The following PHF24 variants were observed in gnomAD, a reference collection of about 807,000 sequenced individuals.
PHF24 encodes the protein PHD finger protein 24.
PHF24 carries 25 observed loss-of-function variants against 42.6 expected under a neutral mutation model. The observed-to-expected ratio is 0.59, with a 90% CI of 0.43 to 0.82. The LOEUF (loss-of-function observed/expected upper bound fraction) is 0.82. PHF24 is among the 40% of genes least tolerant of loss of function. The pLI, the probability that PHF24 is intolerant of heterozygous loss-of-function variation, is 0.00. For synonymous variants in PHF24, 185 were observed against 204.8 expected (o/e 0.90, Z 0.83); for missense variants, 470 against 538.1 (o/e 0.87, Z 1.25).
the PHF24 span, chr9:34,892,576 GTAGGGTCA>G: frequency 2.1e-5 from 9 of 433,144 alleles, no homozygotes; most frequent in Admixed American, 3.9e-5. Context: ...GGAAAGGAAT[GTAGGGTCA>G]TAGGCTGTTG....
At chr9:34,717,216 T>C in the PHF24 span, among the ~76,000 whole-genome samples, 1 of 152,012 alleles carries the variant, frequency 6.6e-6, no homozygotes, top group African/African-American at 2.4e-5. Context: ...TGATTTAGAG[T>C]TTTCTTTGGG....
the PHF24 span, chr9:34,893,052 G>A: frequency 1.1e-6 from 1 of 919,786 alleles, no homozygotes; most frequent in Non-Finnish European, 1.7e-6. Flanking sequence ...TCACCTGCCA[G>A]CAATTGCTTA....
chr9:34,849,456 A>G, the PHF24 span, among the ~76,000 whole-genome samples: 2 of 151,626 alleles, frequency 1.3e-5, no homozygotes, highest in South Asian at 4.2e-4. Context: ...TCTGCTTGGT[A>G]GATCTTCCTC....
the PHF24 span, chr9:34,834,939 G>A: frequency 2.8e-6 from 4 of 1,435,058 alleles, no homozygotes; most frequent in Non-Finnish European, 3.7e-6. Context: ...TCAATCTTGG[G>A]AAGGCCTTGA....
At chr9:34,885,163 T>C in the PHF24 span, among the ~76,000 whole-genome samples, 1 of 152,332 alleles carries the variant, frequency 6.6e-6, no homozygotes, top group African/African-American at 2.4e-5. Flanking sequence ...TTTAGGCAAA[T>C]ACCTGTTAAG....
chr9:34,750,287 G>C, the PHF24 span, among the ~76,000 whole-genome samples: 1 of 152,036 alleles, frequency 6.6e-6, no homozygotes, highest in South Asian at 2.1e-4. Flanking sequence ...TTGAGGCCAA[G>C]AGTTTGAGAC....
the PHF24 span, among the ~76,000 whole-genome samples, chr9:34,761,637 G>A: frequency 6.6e-6 from 1 of 151,968 alleles, no homozygotes; most frequent in Non-Finnish European, 1.5e-5. Context: ...TGGTGGTCAG[G>A]GTATGGCATG....
intron 1 of PHF24, among the ~76,000 whole-genome samples, chr9:34,960,757 T>C (rs192884674): frequency 1.2e-4 from 19 of 152,274 alleles, no homozygotes; most frequent in African/African-American, 3.8e-4. Context: ...ATGTCCAGCA[T>C]TGGGTAAAAT....
the PHF24 span, among the ~76,000 whole-genome samples, chr9:34,905,202 G>C: frequency 6.6e-6 from 1 of 152,086 alleles, no homozygotes; most frequent in African/African-American, 2.4e-5. Flanking sequence ...GATTCCCCTC[G>C]TTAGTCTCCA....
At chr9:34,809,525 A>C in the PHF24 span, among the ~76,000 whole-genome samples, 1 of 152,198 alleles carries the variant, frequency 6.6e-6, no homozygotes, top group African/African-American at 2.4e-5. The surrounding 1 kb of genome is among the most constrained non-coding windows in gnomAD (Gnocchi z 4.1). Flanking sequence ...TACTCTCAGG[A>C]AACAGTGCAC....
the PHF24 span, among the ~76,000 whole-genome samples, chr9:34,786,617 G>A: frequency 6.6e-6 from 1 of 152,152 alleles, no homozygotes; most frequent in African/African-American, 2.4e-5. Flanking sequence ...TGACATTTTG[G>A]TCTTCTCTTT....
chr9:34,776,070 T>C, the PHF24 span, among the ~76,000 whole-genome samples: 1 of 152,184 alleles, frequency 6.6e-6, no homozygotes, highest in Non-Finnish European at 1.5e-5. Flanking sequence ...AATAGATTAG[T>C]GGCTGCCAGA....
At chr9:34,771,412 A>C in the PHF24 span, among the ~76,000 whole-genome samples, 1 of 152,226 alleles carries the variant, frequency 6.6e-6, no homozygotes, top group African/African-American at 2.4e-5. Flanking sequence ...GAAAAAATAC[A>C]GTTTAATCTT....
the PHF24 span, among the ~76,000 whole-genome samples, chr9:34,735,284 C>T: frequency 2.6e-5 from 4 of 150,950 alleles, no homozygotes; most frequent in Non-Finnish European, 4.4e-5. Context: ...TACAGGCGCC[C>T]GCCACTATGC....
chr9:34,768,989 A>G, the PHF24 span, among the ~76,000 whole-genome samples: 1 of 152,238 alleles, frequency 6.6e-6, no homozygotes, highest in Non-Finnish European at 1.5e-5. Context: ...TTGTGTATAC[A>G]AATGACAATT....
the PHF24 span, among the ~76,000 whole-genome samples, chr9:34,707,464 T>G: frequency 1.3e-5 from 2 of 152,314 alleles, no homozygotes; most frequent in Non-Finnish European, 2.9e-5. Flanking sequence ...GAGTAGGAAT[T>G]AAGTTCATTT....
the PHF24 span, among the ~76,000 whole-genome samples, chr9:34,852,848 C>A: frequency 6.6e-6 from 1 of 152,176 alleles, no homozygotes; most frequent in South Asian, 2.1e-4. Flanking sequence ...ATGGTCTTGA[C>A]CTCCTTGGCT....
chr9:34,833,784 GC>G, the PHF24 span: 6 of 1,551,230 alleles, frequency 3.9e-6, no homozygotes, highest in Non-Finnish European at 5.2e-6. Context: ...TGAGGGCATG[GC>G]CCAAGACTTA....
At chr9:34,697,829 G>A in the PHF24 span, among the ~76,000 whole-genome samples, 1 of 152,192 alleles carries the variant, frequency 6.6e-6, no homozygotes, top group African/African-American at 2.4e-5. Context: ...GCACTGTGTG[G>A]CTTCTTTAAT....
Sources: allele counts gnomAD v4.1 joint callset (sites outside exome capture counted in the v4.1 genomes callset), GRCh38; gene constraint gnomAD v4.1.1; non-coding constraint Gnocchi (gnomAD v3.1); transcripts MANE v1.5; gene names NCBI Gene and HGNC (gene_info 2026-07-23, HGNC 2026-07-21).